Variants in POC1A observed in about 807,000 individuals in gnomAD.
POC1A encodes the protein POC1 centriolar protein A, also known as POC1 centriolar protein homolog A.
POC1A carries 34 observed loss-of-function variants against 47.8 expected under a neutral mutation model. That is an observed-to-expected ratio of 0.71 (90% confidence interval 0.54 to 0.95). The LOEUF is 0.95. POC1A is among the 40% of genes least tolerant of loss of function. The probability of loss-of-function intolerance (pLI) is 0.00; values close to 1 mark genes in which losing one functional copy is unlikely to be tolerated. For missense variants in POC1A, 466 were observed against 528.3 expected (o/e 0.88, Z 1.16); for synonymous variants, 177 against 207.6 (o/e 0.85, Z 1.27).
At chr3:52,149,734 C>A (rs1364661104) in intron 3 of POC1A, 82 bp downstream of exon 3, 15 of 1,400,284 alleles carry the variant, frequency 1.1e-5, no homozygotes, top group Non-Finnish European at 1.4e-5. Context: ...CAGTCCAGAG[C>A]CAAGCTAGGG....
intron 10 of POC1A, among the ~76,000 whole-genome samples, chr3:52,083,402 A>G (rs1019570830): frequency 1.3e-5 from 2 of 152,084 alleles, no homozygotes; most frequent in African/African-American, 4.8e-5. Flanking sequence ...ACAGTCCCTC[A>G]TGCCCACTTT....
chr3:52,154,297 CGCCCAGTGTCCCAGCGGGGAGACTGAG>C, intron 1 of POC1A, 31 bp downstream of exon 1: 1 of 1,517,662 alleles, frequency 6.6e-7, no homozygotes, highest in East Asian at 2.6e-5. Context: ...GGCCATTAGG[CGCCCAGTGTCCCAGCGGGGAGACTGAG>C]GCCTGGGGAG....
rs940734709 is a variant in POC1A at position 52,079,167 on chromosome 3, G to A, written c.1126-3182C>T. 1.9e-4 allele frequency among the ~76,000 whole-genome samples: 29 copies of A among 152,240 alleles called. No homozygotes were observed. Among genetic ancestry groups the A allele is most frequent in the Admixed American group, 1.7e-3 (26 of 15,290 alleles). ...TTCAGAATGTATATGATCTTTACCT[G>A]TCGGTTCACAACAAAAAGTAAGCAC... On this transcript the variant is annotated intron_variant, in intron 10 of 10. Transcript: ENST00000296484. The surrounding 1 kb of genome is among the most constrained non-coding windows in gnomAD (Gnocchi z 4.6).
rs2304505 is a variant in POC1A, at chr3:52,150,744, T to C, written c.103+272A>G. Among the ~76,000 whole-genome samples, 19,962 of 152,010 alleles carry C rather than the reference T, an allele frequency of 0.13. 1,973 individuals are homozygous for C. The highest frequency in any genetic ancestry group is 0.27 in the African/African-American group (11,189 of 41,428). On this transcript the variant is annotated intron_variant, in intron 2 of 10. Coordinates refer to ENST00000296484, the MANE Select transcript of POC1A (RefSeq NM_015426.5). The stretch of plus-strand genomic sequence containing the variant: ...AGACAGACCCAAAAGGTGGCTAGGG[T>C]GTGCAGAAAAGACCCAGATCCCAGT...
intron 7 of POC1A, among the ~76,000 whole-genome samples, chr3:52,130,473 G>A (rs1044174401): frequency 5.3e-5 from 8 of 152,236 alleles, no homozygotes; most frequent in African/African-American, 1.9e-4. Flanking sequence ...CAGACGGGGA[G>A]TGACCTCCTG....
At chr3:52,141,707 G>C (rs1019178739) in intron 6 of POC1A, among the ~76,000 whole-genome samples, 1 of 152,098 alleles carries the variant, frequency 6.6e-6, no homozygotes, top group East Asian at 1.9e-4. Context: ...AAAACCCTCC[G>C]GCCGGGCATG....
At chr3:52,140,840 G>A (rs1055907657) in intron 6 of POC1A, among the ~76,000 whole-genome samples, 1 of 152,130 alleles carries the variant, frequency 6.6e-6, no homozygotes, top group Non-Finnish European at 1.5e-5. Context: ...AGGCCTCATC[G>A]TAAGAACCAC....
chr3:52,142,780 G>A (rs557051329), intron 6 of POC1A, among the ~76,000 whole-genome samples: 3 of 152,166 alleles, frequency 2.0e-5, no homozygotes, highest in Non-Finnish European at 4.4e-5. Context: ...AGCCCTTCCT[G>A]GGGAATGAGC....
chr3:52,098,522 C>A (rs1036510510), intron 9 of POC1A, among the ~76,000 whole-genome samples: 5 of 152,188 alleles, frequency 3.3e-5, no homozygotes, highest in Admixed American at 2.6e-4. Context: ...TTAAAGACAG[C>A]GGCCATGGCA....
chr3:52,107,806 T>C (rs1009169136), intron 9 of POC1A, among the ~76,000 whole-genome samples: 4 of 152,240 alleles, frequency 2.6e-5, no homozygotes, highest in African/African-American at 7.2e-5. Context: ...CCAGTGTTAA[T>C]GTCTTACACA....
At chr3:52,152,860 A>G (rs144028915) in intron 1 of POC1A, among the ~76,000 whole-genome samples, 75 of 152,364 alleles carry the variant, frequency 4.9e-4, no homozygotes, top group African/African-American at 1.7e-3. Flanking sequence ...GCTTGCTGCA[A>G]CATGGATGAA....
chr3:52,119,914 G>C (rs1438610754), intron 9 of POC1A, among the ~76,000 whole-genome samples: 1 of 152,222 alleles, frequency 6.6e-6, no homozygotes, highest in African/African-American at 2.4e-5. Flanking sequence ...TGGAGGGACA[G>C]AGGCTCATCG....
intron 6 of POC1A, among the ~76,000 whole-genome samples, chr3:52,143,961 AT>A (rs1698283350): frequency 6.6e-6 from 1 of 152,146 alleles, no homozygotes. Flanking sequence ...TCCATCAGAG[AT>A]GGGTCTGGAC....
intron 7 of POC1A, among the ~76,000 whole-genome samples, chr3:52,126,638 T>C (rs1335985523): frequency 2.0e-5 from 3 of 152,222 alleles, no homozygotes; most frequent in African/African-American, 4.8e-5. Flanking sequence ...TAATTCATAA[T>C]GAGCAGAAAT....
chr3:52,095,867 G>A (rs965542155), intron 10 of POC1A, among the ~76,000 whole-genome samples: 2 of 152,186 alleles, frequency 1.3e-5, no homozygotes, highest in African/African-American at 4.8e-5. Flanking sequence ...TCTTGTCAAG[G>A]GATTTTGCTC....
intron 7 of POC1A, among the ~76,000 whole-genome samples, chr3:52,134,642 T>A (rs923642382): frequency 6.6e-6 from 1 of 151,900 alleles, no homozygotes; most frequent in African/African-American, 2.4e-5. Flanking sequence ...AATGAATGAA[T>A]GAAAGAAACA....
intron 1 of POC1A, 113 bp downstream of exon 1, chr3:52,154,242 A>T: frequency 1.7e-6 from 2 of 1,188,540 alleles, no homozygotes; most frequent in Non-Finnish European, 2.4e-6. Context: ...GAAGAGGACC[A>T]CCCTGGAACC....
chr3:52,129,082 C>T (rs1052425737), intron 7 of POC1A, among the ~76,000 whole-genome samples: 3 of 152,026 alleles, frequency 2.0e-5, no homozygotes, highest in Non-Finnish European at 4.4e-5. Context: ...GAGTTCGAGA[C>T]CAATCTGGTC....
chr3:52,134,787 C>T (rs541816891), intron 7 of POC1A, among the ~76,000 whole-genome samples: 1 of 149,626 alleles, frequency 6.7e-6, no homozygotes, highest in Non-Finnish European at 1.5e-5. Context: ...CTCTCATTTT[C>T]ACCACCTGGA....
Sources: allele counts gnomAD v4.1 joint callset (sites outside exome capture counted in the v4.1 genomes callset), GRCh38; gene constraint gnomAD v4.1.1; non-coding constraint Gnocchi (gnomAD v3.1); transcripts MANE v1.5; gene names NCBI Gene and HGNC (gene_info 2026-07-23, HGNC 2026-07-21).